Variants in NUDC observed in about 807,000 individuals in gnomAD.
NUDC encodes nuclear distribution C, dynein complex regulator.
A neutral mutation model predicts 45.0 loss-of-function variants in NUDC; 14 were observed. The ratio of observed to expected loss-of-function variants is 0.31; its 90% CI spans 0.21 to 0.49. The LOEUF is 0.49. NUDC is among the 20% of genes least tolerant of loss of function. The pLI is 0.99. For synonymous variants in NUDC, 153 were observed against 156.7 expected (o/e 0.98, Z 0.17); for missense variants, 323 against 426.2 (o/e 0.76, Z 2.13).
At chr1:26,913,689 C>T in intron 3 of NUDC, 3 of 1,612,850 alleles carry the variant, frequency 1.9e-6, no homozygotes, top group Non-Finnish European at 2.5e-6. Flanking sequence ...GCAGCCGCCG[C>T]TGGTCCTGGG....
intron 2 of NUDC, among the ~76,000 whole-genome samples, chr1:26,939,364 C>T (rs2082259555): frequency 6.6e-6 from 1 of 151,912 alleles, no homozygotes; most frequent in Admixed American, 6.6e-5. Context: ...TAATGGCTTA[C>T]ACTTGTAATC....
chr1:26,926,013 T>A (rs2082129004), intron 2 of NUDC, among the ~76,000 whole-genome samples: 1 of 151,614 alleles, frequency 6.6e-6, no homozygotes, highest in Non-Finnish European at 1.5e-5. Flanking sequence ...TGAGCCACCA[T>A]GCCCAGCCTT....
At chr1:26,933,527 C>T (rs1411254508) in intron 2 of NUDC, among the ~76,000 whole-genome samples, 1 of 152,050 alleles carries the variant, frequency 6.6e-6, no homozygotes, top group Non-Finnish European at 1.5e-5. Flanking sequence ...GATTCTCCTG[C>T]CTCAGCTTCC....
chr1:26,927,895 A>G (rs2082147230), intron 2 of NUDC, among the ~76,000 whole-genome samples: 1 of 152,232 alleles, frequency 6.6e-6, no homozygotes, highest in Non-Finnish European at 1.5e-5. Flanking sequence ...ATCGCAGGCC[A>G]GGAGCTGCAT....
chr1:26,911,180 G>C, exon 3 of NUDC: 1 of 470,532 alleles, frequency 2.1e-6, no homozygotes, highest in South Asian at 1.6e-5. Flanking sequence ...GAACTTGTCT[G>C]TTTCAATTCG....
upstream of NUDC, among the ~76,000 whole-genome samples, chr1:26,919,178 G>A (rs993883668): frequency 6.6e-6 from 1 of 151,598 alleles, no homozygotes; most frequent in African/African-American, 2.4e-5. Flanking sequence ...TGACCTCCCA[G>A]GCTCAAGTGA....
chr1:26,922,307 G>T, intron 1 of NUDC: 1 of 340,652 alleles, frequency 2.9e-6, no homozygotes. Flanking sequence ...TCGAATGTGT[G>T]TGGTAGGGGA....
intron 8 of NUDC, 82 bp downstream of exon 8, chr1:26,945,768 C>A: frequency 1.0e-6 from 1 of 996,424 alleles, no homozygotes; most frequent in Non-Finnish European, 1.6e-6. Flanking sequence ...TGGATCACTG[C>A]GCTGCCTCAG....
Position 26,942,747 on chromosome 1 carries a change from C to T in NUDC, c.517C>T (p.Arg173Cys), listed in dbSNP as rs770369048. The T allele has an allele frequency of 1.5e-5, 24 of 1,614,088 alleles. No individual in the cohort carries two copies. The highest frequency in any genetic ancestry group is 1.9e-5 in the Non-Finnish European group (22 of 1,180,048). Reference protein sequence around the residue: ...LGNGADLPNYRWTQTLSELDL... With the variant: ...LGNGADLPNYCWTQTLSELDL... The stretch of plus-strand genomic sequence containing the variant: ...CAACGGGGCAGACCTGCCCAATTAC[C>T]GCTGGACCCAGACCCTGTCGGAGCT... The change falls in exon 5 of 9, where the codon CGC becomes TGC. Residue 173 changes from arginine to cysteine, a missense_variant. By Grantham distance (180) the Arg-to-Cys change is radical. Transcript: ENST00000321265.
upstream of NUDC, chr1:26,921,715 C>G: frequency 1.0e-6 from 1 of 968,796 alleles, no homozygotes; most frequent in African/African-American, 1.6e-5. Context: ...CCTGGGCAGC[C>G]GCGCGCGTGC....
intron 2 of NUDC, among the ~76,000 whole-genome samples, chr1:26,925,322 C>A (rs1343079670): frequency 6.6e-6 from 1 of 151,068 alleles, no homozygotes; most frequent in Non-Finnish European, 1.5e-5. Flanking sequence ...TGGCGGATCA[C>A]GAGGTCAGGA....
chr1:26,940,652 A>G (rs893558941), intron 2 of NUDC, among the ~76,000 whole-genome samples: 2 of 152,130 alleles, frequency 1.3e-5, no homozygotes, highest in African/African-American at 4.8e-5. Context: ...TGAGGGACTG[A>G]GGCTTGAGTT....
intron 3 of NUDC, chr1:26,911,424 G>A: frequency 2.9e-6 from 1 of 344,988 alleles, no homozygotes; most frequent in Non-Finnish European, 5.7e-6. Flanking sequence ...TCTGATAGCA[G>A]CAGGGTGGGC....
At position 26,904,047 on chromosome 1, in the gene NUDC, ATAAT is replaced by A. The variant is rs894339769; in HGVS notation, c.-16+1682_-16+1685del. 6.2e-5 allele frequency among the ~76,000 whole-genome samples: 9 copies of A among 145,788 alleles called. 1 individual carries two copies. In the South Asian group the frequency reaches 1.3e-3, roughly 20 times the overall value. The stretch of plus-strand genomic sequence containing the variant: ...ATAAATAAATAAATTAAATAAATAA[ATAAT>A]AAATAAATAAATAAAAATACAAAAA... On this transcript the variant is annotated intron_variant, in intron 2 of 6. Transcript: ENST00000435827.
At chr1:26,915,518 G>A (rs11581460) in intron 3 of NUDC, among the ~76,000 whole-genome samples, 44,526 of 152,104 alleles carry the variant, frequency 0.29, 7,362 homozygotes, top group Non-Finnish European at 0.37. Context: ...GTCCAGTGTG[G>A]CAAGCCTTCT....
upstream of NUDC, among the ~76,000 whole-genome samples, chr1:26,916,822 G>A (rs2082064050): frequency 6.6e-6 from 1 of 152,158 alleles, no homozygotes; most frequent in African/African-American, 2.4e-5. Context: ...TAGGTAGGTA[G>A]TGCACACCTA....
At chr1:26,937,362 C>G (rs576721848) in intron 2 of NUDC, among the ~76,000 whole-genome samples, 2 of 152,282 alleles carry the variant, frequency 1.3e-5, no homozygotes, top group East Asian at 3.9e-4. Flanking sequence ...TCACAGCAAC[C>G]TCCGGCTCCC....
chr1:26,942,168 C>T (rs1187946), intron 4 of NUDC, among the ~76,000 whole-genome samples: 4,597 of 151,776 alleles, frequency 0.03, 137 homozygotes, highest in Middle Eastern at 0.088. Context: ...GGTGGGCGCC[C>T]GTAATCCCAG....
intron 2 of NUDC, among the ~76,000 whole-genome samples, chr1:26,938,401 G>C (rs1055743368): frequency 6.6e-6 from 1 of 152,202 alleles, no homozygotes; most frequent in African/African-American, 2.4e-5. Context: ...CCACTGGTTG[G>C]CAAATGCCTT....
Sources: allele counts gnomAD v4.1 joint callset (sites outside exome capture counted in the v4.1 genomes callset), GRCh38; gene constraint gnomAD v4.1.1; transcripts MANE v1.5; gene names NCBI Gene and HGNC (gene_info 2026-07-23, HGNC 2026-07-21).